Variants in SDK1 observed in about 807,000 individuals in gnomAD.
SDK1 encodes the protein protein sidekick-1.
SDK1 carries 157 observed loss-of-function variants against 245.5 expected under a neutral mutation model. The ratio of observed to expected loss-of-function variants is 0.64; its 90% CI spans 0.56 to 0.73. SDK1 has a LOEUF of 0.73. SDK1 is among the 30% of genes least tolerant of loss of function. SDK1 has a pLI of 0.00. For synonymous variants in SDK1, 1,647 were observed against 1,278.5 expected (o/e 1.29, Z -6.15); for missense variants, 3,583 against 3,002.3 (o/e 1.19, Z -4.52).
chr7:3,564,888 G>C (rs1469591622), intron 1 of SDK1, among the ~76,000 whole-genome samples: 1 of 152,050 alleles, frequency 6.6e-6, no homozygotes, highest in Non-Finnish European at 1.5e-5. Context: ...GAATGTAACA[G>C]TGTACATTAA....
intron 4 of SDK1, among the ~76,000 whole-genome samples, chr7:3,662,748 C>G (rs1388823647): frequency 6.6e-6 from 1 of 152,172 alleles, no homozygotes; most frequent in African/African-American, 2.4e-5. Flanking sequence ...CATCCCACAT[C>G]TGAAAATCTG....
At chr7:3,848,599 T>G (rs1220246600) in intron 5 of SDK1, among the ~76,000 whole-genome samples, 1 of 152,060 alleles carries the variant, frequency 6.6e-6, no homozygotes, top group Non-Finnish European at 1.5e-5. Context: ...AGTACACACT[T>G]AGCCCCAGGG....
Position 3,537,870 on chromosome 7 carries a change from G to T in SDK1, c.299-81210G>T, listed in dbSNP as rs558878537. ...GTTGGGGCCTCCGTGCACAAATCCAGGTAATCTCCCTGTTTTCAGTGAGGC... is the reference window on the plus strand; with the variant it reads ...GTTGGGGCCTCCGTGCACAAATCCATGTAATCTCCCTGTTTTCAGTGAGGC... On this transcript the variant is annotated intron_variant, in intron 1 of 44. Coordinates refer to ENST00000404826, the MANE Select transcript of SDK1 (RefSeq NM_152744.4). Among the ~76,000 whole-genome samples the T allele has an allele frequency of 3.3e-5, 5 of 152,314 alleles. No homozygotes were observed. The South Asian group carries it at 1.0e-3, about 32-fold the overall frequency.
intron 13 of SDK1, among the ~76,000 whole-genome samples, chr7:3,984,049 A>G (rs941970192): frequency 6.6e-6 from 1 of 152,170 alleles, no homozygotes; most frequent in Non-Finnish European, 1.5e-5. Context: ...ATCTTTTTAC[A>G]TCCCTCAATC....
intron 4 of SDK1, among the ~76,000 whole-genome samples, chr7:3,678,371 T>G (rs375976062): frequency 6.6e-6 from 1 of 152,352 alleles, no homozygotes; most frequent in African/African-American, 2.4e-5. Context: ...ATAATCTAAG[T>G]GTCCATCAGC....
intron 4 of SDK1, among the ~76,000 whole-genome samples, chr7:3,785,694 G>C (rs1780880703): frequency 6.6e-6 from 1 of 152,058 alleles, no homozygotes; most frequent in Non-Finnish European, 1.5e-5. Flanking sequence ...AGTAAATTTA[G>C]GCATTTATTT....
chr7:3,938,286 T>A (rs1351236816), intron 5 of SDK1, among the ~76,000 whole-genome samples: 2 of 152,144 alleles, frequency 1.3e-5, no homozygotes, highest in African/African-American at 4.8e-5. Context: ...ATGATCCCAG[T>A]CTTTCTATTG....
Position 4,245,708 on chromosome 7 carries a change from A to C in SDK1, c.6284A>C (p.His2095Pro). Residue 2095 changes from histidine (H) to proline (P), a missense_variant, in exon 44 of 45, where the codon CAC (histidine) becomes CCC (proline). By Grantham distance (77) the His-to-Pro change is moderately conservative. Coordinates refer to ENST00000404826, the MANE Select transcript of SDK1 (RefSeq NM_152744.4). The part of the protein sequence containing the change: ...SPPRPSPGGL[H>P]YSDEDICNKY... ...CCCCGGCCTAGCCCCGGCGGCCTGC[A>C]CTACTCAGACGAGGACATCTGCAAC... 6.2e-7 allele frequency: 1 copy of C among 1,614,056 alleles called. No homozygotes were observed. Among genetic ancestry groups the C allele is most frequent in the Non-Finnish European group, 8.5e-7 (1 of 1,179,988 alleles).
intron 14 of SDK1, 131 bp from the exon 15 acceptor site, chr7:4,010,835 T>C: frequency 1.1e-6 from 1 of 925,092 alleles, no homozygotes; most frequent in Non-Finnish European, 1.6e-6. Context: ...CTAAATGGGA[T>C]AAGCTTTCCT....
chr7:4,170,742 C>A (rs926036887), intron 32 of SDK1, among the ~76,000 whole-genome samples: 5 of 152,078 alleles, frequency 3.3e-5, no homozygotes, highest in Admixed American at 2.6e-4. Context: ...GAACATGAAC[C>A]CCATCAACAC....
chr7:3,912,962 G>T (rs1779230302), intron 5 of SDK1, among the ~76,000 whole-genome samples: 1 of 152,246 alleles, frequency 6.6e-6, no homozygotes, highest in Non-Finnish European at 1.5e-5. Flanking sequence ...ACCGTGGAGG[G>T]CCGAAGGCAA....
intron 39 of SDK1, 92 bp from the exon 40 acceptor site, chr7:4,221,147 C>A (rs990812864): frequency 3.4e-6 from 5 of 1,485,736 alleles, no homozygotes; most frequent in South Asian, 2.4e-5. Context: ...GCAGCCTCGA[C>A]CGGTCTGACC....
chr7:3,717,120 A>G (rs1052664475), intron 4 of SDK1, among the ~76,000 whole-genome samples: 2 of 152,246 alleles, frequency 1.3e-5, no homozygotes, highest in African/African-American at 4.8e-5. Flanking sequence ...TGGAATGAGG[A>G]TACAAGTAGG....
chr7:3,641,216 A>G (rs1782638133), intron 3 of SDK1, among the ~76,000 whole-genome samples: 1 of 152,040 alleles, frequency 6.6e-6, no homozygotes. Flanking sequence ...AAAATACACT[A>G]TTTTGCCATA....
At chr7:3,632,813 T>A (rs989896412) in intron 2 of SDK1, among the ~76,000 whole-genome samples, 1 of 152,186 alleles carries the variant, frequency 6.6e-6, no homozygotes, top group African/African-American at 2.4e-5. Flanking sequence ...TATATCTCTC[T>A]CTTAACAAAT....
chr7:3,579,967 T>A lies in SDK1; in HGVS notation c.299-39113T>A, dbSNP rs114993029. The stretch of plus-strand genomic sequence containing the variant: ...AGTTTCAGGATACAAAATCGGTGTA[T>A]GAAAATCATTAGCATTCCTATACAC... On this transcript the variant is annotated intron_variant, in intron 1 of 44. Transcript: ENST00000404826. 2.6e-3 allele frequency among the ~76,000 whole-genome samples: 402 copies of A among 152,266 alleles called. 2 individuals carry two copies. The highest frequency in any genetic ancestry group is 9.2e-3 in the African/African-American group (382 of 41,534).
intron 1 of SDK1, among the ~76,000 whole-genome samples, chr7:3,583,078 T>C (rs1471747291): frequency 6.6e-6 from 1 of 152,114 alleles, no homozygotes. Flanking sequence ...GTAAAAGCAT[T>C]TGGACAAGGA....
intron 1 of SDK1, among the ~76,000 whole-genome samples, chr7:3,321,988 T>C (rs73046637): frequency 0.19 from 27,985 of 149,746 alleles, 2,636 homozygotes; most frequent in African/African-American, 0.23. Flanking sequence ...AGGTCATCAT[T>C]TTTATTAGCT....
At chr7:3,896,427 T>C (rs1054891022) in intron 5 of SDK1, among the ~76,000 whole-genome samples, 1 of 152,180 alleles carries the variant, frequency 6.6e-6, no homozygotes, top group Admixed American at 6.5e-5. Flanking sequence ...GTAGTTTCCT[T>C]ACCTGTATGC....
Sources: allele counts gnomAD v4.1 joint callset (sites outside exome capture counted in the v4.1 genomes callset), GRCh38; gene constraint gnomAD v4.1.1; transcripts MANE v1.5; gene names NCBI Gene and HGNC (gene_info 2026-07-23, HGNC 2026-07-21).